Variants in IL1RAP observed in about 807,000 individuals in gnomAD.
The protein encoded by IL1RAP is interleukin-1 receptor accessory protein.
In IL1RAP, 35 loss-of-function variants were observed where a neutral mutation model predicts 60.7. The ratio of observed to expected loss-of-function variants is 0.58; its 90% confidence interval spans 0.44 to 0.76. The LOEUF (loss-of-function observed/expected upper bound fraction) is 0.76, where lower values mean the gene tolerates loss of function less well. Among genes scored for constraint, IL1RAP ranks in the 30% least tolerant of loss-of-function variants. The pLI, the probability that IL1RAP is intolerant of heterozygous loss-of-function variation, is 0.00. For synonymous variants in IL1RAP, 268 were observed against 250.9 expected (o/e 1.07, Z -0.64); for missense variants, 572 against 693.9 (o/e 0.82, Z 1.97).
chr3:190,525,708 G>C (rs1006475660), intron 1 of IL1RAP, among the ~76,000 whole-genome samples: 2 of 152,060 alleles, frequency 1.3e-5, no homozygotes, highest in African/African-American at 4.8e-5. Flanking sequence ...ATTTCAAAAG[G>C]GAAAACAAAA....
At chr3:190,541,168 A>G (rs887115336) in intron 1 of IL1RAP, among the ~76,000 whole-genome samples, 28 of 152,078 alleles carry the variant, frequency 1.8e-4, no homozygotes, top group African/African-American at 6.8e-4. Context: ...ACTCTCCCAT[A>G]GAAACTGGGA....
chr3:190,541,830 A>G (rs962804065), intron 1 of IL1RAP, among the ~76,000 whole-genome samples: 3 of 152,124 alleles, frequency 2.0e-5, no homozygotes, highest in South Asian at 2.1e-4. Context: ...TAACCAACCT[A>G]TTCGAAATGC....
intron 9 of IL1RAP, among the ~76,000 whole-genome samples, chr3:190,635,424 C>A (rs1183675587): frequency 6.6e-6 from 1 of 151,964 alleles, no homozygotes; most frequent in East Asian, 1.9e-4. Flanking sequence ...GTCAGTCATC[C>A]TAAAATGTAA....
At chr3:190,609,360 T>C (rs906529987) in intron 5 of IL1RAP, among the ~76,000 whole-genome samples, 179 bp downstream of exon 5, 8 of 152,198 alleles carry the variant, frequency 5.3e-5, no homozygotes, top group African/African-American at 1.9e-4. Flanking sequence ...AAGGAAGTGG[T>C]GCACAGTACT....
At chr3:190,548,871 G>T in intron 1 of IL1RAP, among the ~76,000 whole-genome samples, 1 of 152,218 alleles carries the variant, frequency 6.6e-6, no homozygotes, top group East Asian at 1.9e-4. Context: ...TGTATCTTGT[G>T]GATTGAGGAT....
intron 3 of IL1RAP, among the ~76,000 whole-genome samples, chr3:190,568,138 A>G (rs913675645): frequency 2.0e-5 from 3 of 152,218 alleles, no homozygotes; most frequent in Admixed American, 2.0e-4. Context: ...AAATGCAGGC[A>G]CACACACGGA....
chr3:190,556,708 G>A lies in IL1RAP; in HGVS notation c.-2+492G>A, dbSNP rs1725459858. Among the ~76,000 whole-genome samples the A allele has an allele frequency of 2.6e-5, 4 of 152,294 alleles. No homozygotes were observed. In the South Asian group the frequency reaches 8.3e-4, roughly 32 times the overall value. On this transcript the variant is annotated intron_variant, in intron 2 of 11. Transcript: ENST00000447382. The stretch of plus-strand genomic sequence containing the variant: ...ACACACAAAGTGTAGGGCATGGCAA[G>A]TTTTGCCAAATACTCAATGGTCAAC...
downstream of IL1RAP, chr3:190,656,109 G>A (rs1734611455): frequency 6.5e-7 from 1 of 1,537,274 alleles, no homozygotes; most frequent in Admixed American, 2.0e-5. Context: ...TGTCTTTTGT[G>A]AGCTGGAAGG....
intron 1 of IL1RAP, among the ~76,000 whole-genome samples, chr3:190,552,464 T>C (rs948693014): frequency 6.6e-6 from 1 of 152,212 alleles, no homozygotes; most frequent in Non-Finnish European, 1.5e-5. Flanking sequence ...AATAATTCTT[T>C]AATCCTGGGC....
In IL1RAP at chr3:190,620,386, C is replaced by G; in HGVS notation, c.649C>G (p.Pro217Ala). The G allele has an allele frequency of 6.2e-7, 1 of 1,612,302 alleles. No homozygotes were observed. Among genetic ancestry groups the G allele is most frequent in the Non-Finnish European group, 8.5e-7 (1 of 1,179,388 alleles). Residue 217 changes from proline (P) to alanine (A), a missense_variant, in exon 6 of 12, where the codon CCA (proline) becomes GCA (alanine). Transcript: ENST00000447382. Reference protein sequence around the residue: ...NGNYTCVVTYPENGRTFHLTR... With the variant: ...NGNYTCVVTYAENGRTFHLTR... Reference sequence around the variant, plus strand: ...AAATTACACATGTGTTGTTACATATCCAGAAAATGGACGTACGTTTCATCT... The same window carrying G: ...AAATTACACATGTGTTGTTACATATGCAGAAAATGGACGTACGTTTCATCT...
intron 6 of IL1RAP, among the ~76,000 whole-genome samples, chr3:190,622,902 C>T (rs942961862): frequency 1.3e-5 from 2 of 152,188 alleles, no homozygotes; most frequent in African/African-American, 4.8e-5. Flanking sequence ...TGTTAATCAT[C>T]TATGGTCTTT....
chr3:190,545,520 G>A (rs577167618), intron 1 of IL1RAP, among the ~76,000 whole-genome samples: 50 of 152,294 alleles, frequency 3.3e-4, no homozygotes, highest in African/African-American at 1.1e-3. Context: ...GGGATTTTCT[G>A]TAGGACATGA....
intron 3 of IL1RAP, among the ~76,000 whole-genome samples, chr3:190,583,863 A>G (rs1044625573): frequency 1.3e-5 from 2 of 152,218 alleles, no homozygotes; most frequent in Non-Finnish European, 2.9e-5. Context: ...AAGAGGCAGG[A>G]ACTTAACCTT....
At chr3:190,551,575 TCA>T (rs1724869641) in intron 1 of IL1RAP, among the ~76,000 whole-genome samples, 1 of 152,358 alleles carries the variant, frequency 6.6e-6, no homozygotes, top group African/African-American at 2.4e-5. Flanking sequence ...AAAGATTGTT[TCA>T]GTTTTCTCAG....
At chr3:190,565,700 C>T (rs1345008624) in intron 3 of IL1RAP, among the ~76,000 whole-genome samples, 3 of 152,190 alleles carry the variant, frequency 2.0e-5, no homozygotes, top group Non-Finnish European at 4.4e-5. Context: ...TTTAGTCCAG[C>T]ATCTGTCCTG....
intron 1 of IL1RAP, among the ~76,000 whole-genome samples, chr3:190,543,170 T>A (rs1409472509): frequency 6.6e-6 from 1 of 152,100 alleles, no homozygotes; most frequent in Non-Finnish European, 1.5e-5. Flanking sequence ...AGGTATTCTG[T>A]TGAACATGCC....
intron 9 of IL1RAP, among the ~76,000 whole-genome samples, chr3:190,630,751 G>A (rs1732722438): frequency 6.6e-6 from 1 of 152,140 alleles, no homozygotes; most frequent in Non-Finnish European, 1.5e-5. Context: ...AATCAGTATT[G>A]TCCTGCAATG....
At chr3:190,615,449 C>CCTG in intron 5 of IL1RAP, 1 of 423,664 alleles carries the variant, frequency 2.4e-6, no homozygotes, top group Non-Finnish European at 4.4e-6. Flanking sequence ...TGTATTAATT[C>CCTG]TCTTCCTTAT....
At chr3:190,544,860 C>G (rs1231160837) in intron 1 of IL1RAP, among the ~76,000 whole-genome samples, 1 of 152,152 alleles carries the variant, frequency 6.6e-6, no homozygotes, top group African/African-American at 2.4e-5. Flanking sequence ...TATTAATAAC[C>G]TAATGTTTCT....
Sources: gnomAD v4.1 joint callset for allele counts (sites outside exome capture counted in the v4.1 genomes callset) on GRCh38, gnomAD v4.1.1 for gene constraint, MANE v1.5 for transcripts, NCBI Gene and HGNC (gene_info 2026-07-23, HGNC 2026-07-21) for gene names.